MYO9A: variants seen among roughly 807,000 people sequenced by gnomAD.
The protein encoded by MYO9A is unconventional myosin-IXa.
In MYO9A, 103 loss-of-function variants were observed where a neutral mutation model predicts 293.3. That is an observed-to-expected ratio of 0.35 (90% confidence interval 0.30 to 0.41). The LOEUF (loss-of-function observed/expected upper bound fraction) is 0.41. MYO9A is among the 10% of genes least tolerant of loss of function. The pLI is 1.00. For missense variants in MYO9A, 2,685 were observed against 3,033.0 expected, an observed-to-expected ratio of 0.89 and a Z score of 2.69; for synonymous variants, 1,001 against 1,035.7, an observed-to-expected ratio of 0.97 and a Z score of 0.64.
intron 1 of MYO9A, among the ~76,000 whole-genome samples, chr15:72,089,346 TAG>T (rs2079835735): frequency 6.6e-6 from 1 of 151,972 alleles, no homozygotes; most frequent in African/African-American, 2.4e-5. Flanking sequence ...AATTTTTTTG[TAG>T]AGACAGTTTC....
At position 71,823,918 on chromosome 15, in the gene MYO9A, A is replaced by G. The variant is rs2054365283; in HGVS notation, c.*2662T>C. 1 of 152,250 alleles carries G rather than the reference A, an allele frequency of 6.6e-6. No homozygotes were observed. Among genetic ancestry groups the G allele is most frequent in the African/African-American group, 2.4e-5 (1 of 41,458 alleles). The allele number at this position is 152,250 out of a possible 1,614,324, so 9.4% of individuals were successfully genotyped here. ...GTTTCATAAGTGATTGTAATGCGGC[A>G]TCACTTTGTGGTGACATAACTTTAC... is the stretch of plus-strand genomic sequence containing the variant. On this transcript the variant is annotated 3_prime_UTR_variant, in exon 42 of 42. Transcript: ENST00000356056.
Position 71,898,370 on chromosome 15 carries a change from T to C in MYO9A, c.4133A>G (p.Asn1378Ser), listed in dbSNP as rs1341120309. 2 of 1,613,510 alleles carry C rather than the reference T, an allele frequency of 1.2e-6. No individual in the cohort carries two copies. The highest frequency in any genetic ancestry group is 1.1e-5 in the South Asian group (1 of 91,086). ...CAAATGCTCTGCACTGCTAGTCTCA[T>C]TTGAGGCACTGAGGGCATTGTCCCG... Reference protein sequence around the residue: ...DSRDNALSASNETSSAEHLKD... With the variant: ...DSRDNALSASSETSSAEHLKD... The change falls in exon 25 of 42, where the codon AAT becomes AGT. Residue 1378 changes from asparagine to serine, a missense_variant. Around this residue, in one of 10 missense-constraint regions of MYO9A, gnomAD observed 1,434 missense variants for 1,497.7 expected, o/e 0.96. Coordinates refer to ENST00000356056, the MANE Select transcript of MYO9A (RefSeq NM_006901.4).
intron 39 of MYO9A, among the ~76,000 whole-genome samples, chr15:71,836,816 A>G (rs1203382018): frequency 6.6e-6 from 1 of 152,102 alleles, no homozygotes; most frequent in Non-Finnish European, 1.5e-5. Flanking sequence ...AAAGTAAGTC[A>G]TTAATGTAAA....
chr15:71,935,218 C>A (rs1418534786), intron 17 of MYO9A, 123 bp downstream of exon 17: 2 of 1,077,748 alleles, frequency 1.9e-6, no homozygotes, highest in Non-Finnish European at 2.6e-6. Flanking sequence ...TTGTTTCAGT[C>A]AAAATTCTTC....
chr15:71,830,026 A>G, intron 40 of MYO9A, 83 bp downstream of exon 40: 1 of 1,376,184 alleles, frequency 7.3e-7, no homozygotes, highest in South Asian at 1.2e-5. Context: ...GGAGATAATA[A>G]ATAAGAAAAA....
chr15:71,969,897 G>A (rs2075967844), intron 12 of MYO9A, among the ~76,000 whole-genome samples: 1 of 152,102 alleles, frequency 6.6e-6, no homozygotes, highest in Admixed American at 6.5e-5. Context: ...ACACTATCTG[G>A]AAGGGTAGCG....
At chr15:72,044,347 G>A (rs1360480289) in intron 2 of MYO9A, among the ~76,000 whole-genome samples, 5 of 151,776 alleles carry the variant, frequency 3.3e-5, no homozygotes, top group African/African-American at 7.3e-5. Flanking sequence ...CAGAGGCTGC[G>A]GTGAGCCGAG....
chr15:71,908,888 A>G (rs2057752714), intron 19 of MYO9A, among the ~76,000 whole-genome samples: 1 of 152,138 alleles, frequency 6.6e-6, no homozygotes, highest in Non-Finnish European at 1.5e-5. Context: ...TGACTAACCT[A>G]AAGTCCTCTA....
intron 40 of MYO9A, among the ~76,000 whole-genome samples, chr15:71,828,281 G>A (rs1046303956): frequency 4.6e-5 from 7 of 152,148 alleles, no homozygotes; most frequent in African/African-American, 1.7e-4. Context: ...GAAAGATGTA[G>A]TGGTGAGATC....
chr15:71,956,351 A>ATATATATATATATATATAT (rs71133937), intron 14 of MYO9A, among the ~76,000 whole-genome samples: 1 of 130,696 alleles, frequency 7.7e-6, no homozygotes, highest in African/African-American at 2.9e-5. Context: ...ATATATATAT[A>ATATATATATATATATATAT]AAATACGCCC....
rs1491269853 is a variant in MYO9A, at chr15:71,910,112, A to ACG, written c.2686-5108_2686-5107dup. Among the ~76,000 whole-genome samples, 81 of 141,078 alleles carry ACG rather than the reference A, an allele frequency of 5.7e-4. 1 individual carries two copies. The highest frequency in any genetic ancestry group is 2.2e-3 in the African/African-American group (79 of 35,526). The allele number at this position is 141,078 out of a possible 152,430, so 92.6% of individuals were successfully genotyped here. On this transcript the variant is annotated intron_variant, in intron 19 of 41. Coordinates refer to ENST00000356056, the MANE Select transcript of MYO9A (RefSeq NM_006901.4). ...CGTATATATATATACGTATATATAT[A>ACG]CGTGTATATATACACGTGTATATAT...
At chr15:71,901,158 T>C (rs779192355) in intron 23 of MYO9A, 33 bp downstream of exon 23, 7 of 1,589,640 alleles carry the variant, frequency 4.4e-6, no homozygotes, top group African/African-American at 4.1e-5. Flanking sequence ...AATAAACTAG[T>C]CAATCTCATG....
intron 1 of MYO9A, among the ~76,000 whole-genome samples, chr15:72,083,234 T>C (rs146211321): frequency 5.9e-5 from 9 of 152,312 alleles, no homozygotes; most frequent in African/African-American, 2.2e-4. Context: ...AATTTCTTCC[T>C]GGTTGAGTCT....
chr15:71,855,246 G>A (rs1233323783), intron 34 of MYO9A, among the ~76,000 whole-genome samples: 4 of 151,984 alleles, frequency 2.6e-5, no homozygotes, highest in Non-Finnish European at 4.4e-5. Context: ...AGCGATTCTC[G>A]TGCCTCAGCC....
chr15:71,991,751 T>C (rs16956452), intron 10 of MYO9A, among the ~76,000 whole-genome samples: 30,527 of 152,192 alleles, frequency 0.2, 3,290 homozygotes, highest in East Asian at 0.41. Context: ...TGTCAGAACG[T>C]ATGGTTTCTT....
At chr15:71,925,603 C>T (rs994776461) in intron 18 of MYO9A, among the ~76,000 whole-genome samples, 12 of 150,576 alleles carry the variant, frequency 8.0e-5, no homozygotes, top group Admixed American at 1.3e-4. Flanking sequence ...ATTTTAAAAT[C>T]TTGTATTTAT....
chr15:71,906,758 C>CTTTCTTTTTTTTTTCT (rs765264146), intron 19 of MYO9A, among the ~76,000 whole-genome samples: 1 of 61,012 alleles, frequency 1.6e-5, no homozygotes, highest in African/African-American at 6.4e-5. Context: ...CCATTTCTTT[C>CTTTCTTTTTTTTTTCT]TTTTTTTTTT....
At chr15:72,027,941 T>C in intron 3 of MYO9A, 148 bp from the exon 4 acceptor site, 1 of 584,536 alleles carries the variant, frequency 1.7e-6, no homozygotes, top group Non-Finnish European at 3.0e-6. Flanking sequence ...CTCACACCTG[T>C]AATCTCAGCA....
At chr15:72,035,774 C>T (rs1369529819) in intron 2 of MYO9A, among the ~76,000 whole-genome samples, 1 of 152,050 alleles carries the variant, frequency 6.6e-6, no homozygotes, top group Non-Finnish European at 1.5e-5. Flanking sequence ...CACTGCACTC[C>T]AGCCAGGGTG....
Sources: gnomAD v4.1 joint callset for allele counts (sites outside exome capture counted in the v4.1 genomes callset) on GRCh38, gnomAD v4.1.1 for gene constraint, gnomAD v4.1.1 regional missense constraint, MANE v1.5 for transcripts, NCBI Gene and HGNC (gene_info 2026-07-23, HGNC 2026-07-21) for gene names.